The following CLIC5 variants were observed in gnomAD, a reference collection of about 807,000 sequenced individuals.
CLIC5 encodes chloride intracellular channel protein 5.
In CLIC5, 20 loss-of-function variants were observed where a neutral mutation model predicts 24.7. The observed-to-expected ratio is 0.81, with a 90% confidence interval of 0.57 to 1.18. The LOEUF (loss-of-function observed/expected upper bound fraction) is 1.18. Among genes scored for constraint, CLIC5 ranks in the 50% most tolerant of loss-of-function variants. The probability of loss-of-function intolerance (pLI) is 0.00; values close to 1 mark genes in which losing one functional copy is unlikely to be tolerated. For missense variants in CLIC5, 341 were observed against 326.1 expected, an observed-to-expected ratio of 1.05 and a Z score of -0.35; for synonymous variants, 159 against 135.6, an observed-to-expected ratio of 1.17 and a Z score of -1.20.
At position 45,929,407 on chromosome 6, in the gene CLIC5, C is replaced by A. The variant is rs547347269; in HGVS notation, c.406+12140G>T. On this transcript the variant is annotated intron_variant, in intron 4 of 5. Coordinates refer to ENST00000339561, the MANE Select transcript of CLIC5 (RefSeq NM_016929.5). Reference sequence around the variant, plus strand: ...ACATGCAAGTGCAGAGCCCACCAGACCTCCGAGGTGGGTCCCACCGAGCCT... The same window carrying A: ...ACATGCAAGTGCAGAGCCCACCAGAACTCCGAGGTGGGTCCCACCGAGCCT... Among the ~76,000 whole-genome samples, 17 of 152,284 alleles carry A rather than the reference C, an allele frequency of 1.1e-4. No homozygotes were observed. The South Asian group carries it at 3.3e-3, about 30-fold the overall frequency.
chr6:45,958,424 A>ATATT lies in CLIC5; in HGVS notation c.64-3181_64-3180insAATA, dbSNP rs1420548443. On this transcript the variant is annotated intron_variant, in intron 1 of 5. Transcript: ENST00000339561. ...TCAGGGAAGTGTCAAAAAGACAATT[A>ATATT]TATATATATATATATATATATATAT... 1.9e-3 allele frequency among the ~76,000 whole-genome samples: 63 copies of ATATT among 33,110 alleles called. 1 individual carries two copies. Among genetic ancestry groups the ATATT allele is most frequent in the African/African-American group, 3.5e-3 (58 of 16,652 alleles). 21.7% of individuals were successfully genotyped at this position (33,110 alleles called of 152,430 possible). A position where few individuals can be genotyped will look rare whatever the true frequency, so the allele number is the denominator to read the frequency against.
chr6:46,017,442 A>T (rs1046475455), upstream of CLIC5, among the ~76,000 whole-genome samples: 1 of 152,234 alleles, frequency 6.6e-6, no homozygotes, highest in African/African-American at 2.4e-5. Flanking sequence ...GGAAACTGAG[A>T]CATGAAGTAT....
At chr6:45,935,124 G>A (rs533941782) in intron 4 of CLIC5, among the ~76,000 whole-genome samples, 68 of 152,342 alleles carry the variant, frequency 4.5e-4, no homozygotes, top group African/African-American at 1.6e-3. Flanking sequence ...CTGTTCAAAT[G>A]GCAGATTGAG....
intron 1 of CLIC5, among the ~76,000 whole-genome samples, chr6:46,041,023 C>A (rs1046246820): frequency 7.2e-5 from 11 of 152,044 alleles, no homozygotes; most frequent in Non-Finnish European, 1.5e-4. Context: ...GGGAACAATA[C>A]AAAAGCCTCA....
At chr6:46,007,421 A>G (rs1423497417) in intron 1 of CLIC5, among the ~76,000 whole-genome samples, 1 of 152,174 alleles carries the variant, frequency 6.6e-6, no homozygotes, top group Non-Finnish European at 1.5e-5. Context: ...TGCCCCTAAT[A>G]TACACTATTT....
chr6:45,979,078 C>T (rs1382236287), intron 1 of CLIC5, among the ~76,000 whole-genome samples: 1 of 152,096 alleles, frequency 6.6e-6, no homozygotes, highest in Non-Finnish European at 1.5e-5. Flanking sequence ...CCAGGTTAGA[C>T]AACACTAAGT....
chr6:45,912,270 C>A, intron 5 of CLIC5: 1 of 995,628 alleles, frequency 1.0e-6, no homozygotes, highest in Admixed American at 5.6e-5. Flanking sequence ...GAGATAGGGG[C>A]CAAGGGCTGG....
intron 1 of CLIC5, among the ~76,000 whole-genome samples, chr6:46,032,333 C>T (rs113239159): frequency 0.019 from 2,888 of 152,300 alleles, 88 homozygotes; most frequent in African/African-American, 0.064. Context: ...GATCAGCTTC[C>T]TCCTCCAACA....
At position 45,994,643 on chromosome 6, in the gene CLIC5, G is replaced by A. The variant is rs557926379; in HGVS notation, c.63+20837C>T. The stretch of plus-strand genomic sequence containing the variant: ...AATAAAAATAAAAATAAAAAATTGG[G>A]CATGTATTACCCAACACCATGTCTC... On this transcript the variant is annotated intron_variant, in intron 1 of 5. Transcript: ENST00000339561. 3.9e-5 allele frequency among the ~76,000 whole-genome samples: 6 copies of A among 152,216 alleles called. No individual in the cohort carries two copies. The South Asian group carries it at 1.2e-3, about 32-fold the overall frequency.
At chr6:45,940,898 G>T (rs1764105543) in intron 4 of CLIC5, among the ~76,000 whole-genome samples, 1 of 152,224 alleles carries the variant, frequency 6.6e-6, no homozygotes, top group Non-Finnish European at 1.5e-5. Context: ...GACTGAAAGT[G>T]CTGTGAGCAT....
At chr6:46,032,004 A>G (rs1333035938) in intron 1 of CLIC5, among the ~76,000 whole-genome samples, 2 of 151,724 alleles carry the variant, frequency 1.3e-5, no homozygotes. Flanking sequence ...GGAAGGCTAG[A>G]TACTAAATTG....
chr6:46,093,881 A>G, the CLIC5 span, among the ~76,000 whole-genome samples: 2 of 152,250 alleles, frequency 1.3e-5, no homozygotes, highest in Non-Finnish European at 2.9e-5. Flanking sequence ...TGCTGTAAAG[A>G]AATACCTGAC....
chr6:45,935,524 A>G (rs1408962270), intron 4 of CLIC5, among the ~76,000 whole-genome samples: 2 of 152,220 alleles, frequency 1.3e-5, no homozygotes, highest in African/African-American at 2.4e-5. Flanking sequence ...TCAGCACTCT[A>G]TGAACCTCCA....
intron 1 of CLIC5, among the ~76,000 whole-genome samples, chr6:45,977,961 G>A (rs960254147): frequency 1.3e-5 from 2 of 152,152 alleles, no homozygotes; most frequent in Non-Finnish European, 2.9e-5. Context: ...GCAGTGGTGG[G>A]GTTTTTCTCT....
At chr6:45,983,300 G>A (rs1287638580) in intron 1 of CLIC5, among the ~76,000 whole-genome samples, 2 of 152,144 alleles carry the variant, frequency 1.3e-5, no homozygotes, top group African/African-American at 4.8e-5. Context: ...CATATATTCT[G>A]GGACAGGGTG....
At chr6:45,983,729 A>G (rs984541689) in intron 1 of CLIC5, among the ~76,000 whole-genome samples, 11 of 152,168 alleles carry the variant, frequency 7.2e-5, no homozygotes, top group African/African-American at 2.4e-4. Flanking sequence ...TCAATCACCA[A>G]ATATTTCCTC....
intron 1 of CLIC5, among the ~76,000 whole-genome samples, chr6:45,997,692 GC>G (rs879504246): frequency 6.6e-6 from 1 of 152,114 alleles, no homozygotes; most frequent in African/African-American, 2.4e-5. Context: ...GGGCAAAAGT[GC>G]CCTTTATTGT....
intron 1 of CLIC5, among the ~76,000 whole-genome samples, chr6:45,977,625 A>G (rs1411924645): frequency 6.6e-6 from 1 of 152,018 alleles, no homozygotes; most frequent in Non-Finnish European, 1.5e-5. Context: ...TCCCCTTTCA[A>G]GACCTCTTCC....
chr6:45,928,795 T>TGTAG (rs200432038), intron 4 of CLIC5, among the ~76,000 whole-genome samples: 20 of 148,484 alleles, frequency 1.3e-4, no homozygotes, highest in Middle Eastern at 3.4e-3. Context: ...TGTGTGTGTG[T>TGTAG]AGAGAGAGAG....
Sources: allele counts gnomAD v4.1 joint callset (sites outside exome capture counted in the v4.1 genomes callset), GRCh38; gene constraint gnomAD v4.1.1; transcripts MANE v1.5; gene names NCBI Gene and HGNC (gene_info 2026-07-23, HGNC 2026-07-21).